Variants in STS observed in about 807,000 individuals in gnomAD.
STS encodes steroid sulfatase, also known as steryl-sulfatase.
STS carries 7 observed loss-of-function variants against 26.8 expected under a neutral mutation model. The ratio of observed to expected loss-of-function variants is 0.26; its 90% CI spans 0.15 to 0.49. STS has a LOEUF of 0.49. Ranked by LOEUF, STS falls within the 20% of genes least tolerant of loss-of-function variation. The pLI, the probability that STS is intolerant of heterozygous loss-of-function variation, is 0.98. For missense variants in STS, 434 were observed against 465.6 expected (o/e 0.93, Z 0.63); for synonymous variants, 199 against 189.4 (o/e 1.05, Z -0.42).
intron 2 of STS, among the ~76,000 whole-genome samples, chrX:7,225,080 T>A (rs1178936772): frequency 8.9e-6 from 1 of 112,188 alleles, no homozygotes; most frequent in Non-Finnish European, 1.9e-5. Context: ...TCTAGAACTG[T>A]TCCAGGAGGT....
chrX:7,238,213 G>C (rs1922422159), intron 2 of STS, among the ~76,000 whole-genome samples: 1 of 92,827 alleles, frequency 1.1e-5, no homozygotes, highest in Middle Eastern at 4.8e-3. Flanking sequence ...TAGATAGATA[G>C]ATAGATAGAT....
chrX:7,324,741 C>G (rs1348454531), intron 8 of STS, among the ~76,000 whole-genome samples: 2 of 111,365 alleles, frequency 1.8e-5, no homozygotes, highest in African/African-American at 6.5e-5. Flanking sequence ...CAGGTTAAAC[C>G]TTTAGAATGC....
chrX:7,155,740 CTG>C (rs758227721), intron 1 of STS, among the ~76,000 whole-genome samples: 190 of 112,085 alleles, frequency 1.7e-3, no homozygotes, highest in African/African-American at 5.8e-3. Flanking sequence ...TTTTTGGAAA[CTG>C]TGACTTTAAG....
Position 7,319,706 on chromosome X carries a change from G to C in STS, c.1082-5633G>C, listed in dbSNP as rs758308650. 3.7e-5 allele frequency among the ~76,000 whole-genome samples: 4 copies of C among 108,427 alleles called. No individual in the cohort carries two copies. In the South Asian group the frequency reaches 1.6e-3, roughly 43 times the overall value. The allele number at this position is 108,427 out of a possible 115,157, so 94.2% of individuals were successfully genotyped here. ...TACATAGGGTGTAGAAACTAAATGT[G>C]GTTTACAAATATGGTGTGATCCTCT... On this transcript the variant is annotated intron_variant, in intron 8 of 10. Coordinates refer to ENST00000674429, the MANE Select transcript of STS (RefSeq NM_001320752.2).
At chrX:7,302,031 G>A (rs1471032982) in intron 7 of STS, among the ~76,000 whole-genome samples, 2 of 111,907 alleles carry the variant, frequency 1.8e-5, no homozygotes, top group Non-Finnish European at 3.8e-5. Context: ...TTGTGTGTGG[G>A]TTTTTGTGTG....
At chrX:7,178,899 A>C (rs1163700490) in intron 1 of STS, among the ~76,000 whole-genome samples, 1 of 105,754 alleles carries the variant, frequency 9.5e-6, no homozygotes, top group Non-Finnish European at 1.9e-5. Flanking sequence ...GGCTTTCTCT[A>C]GTCCTTCTCA....
At chrX:7,209,486 T>C (rs1439807092) in intron 2 of STS, among the ~76,000 whole-genome samples, 2 of 105,384 alleles carry the variant, frequency 1.9e-5, no homozygotes, top group Non-Finnish European at 3.9e-5. Flanking sequence ...ATTAATATAT[T>C]TAGTTAAAAT....
chrX:7,168,509 G>A (rs1170871504), intron 1 of STS, among the ~76,000 whole-genome samples: 3 of 111,615 alleles, frequency 2.7e-5, no homozygotes, highest in African/African-American at 9.8e-5. Flanking sequence ...ATGTGTCTAG[G>A]GGCTGTGGCT....
At chrX:7,324,815 C>T (rs1395012843) in intron 8 of STS, among the ~76,000 whole-genome samples, 1 of 111,726 alleles carries the variant, frequency 9.0e-6, no homozygotes, top group Non-Finnish European at 1.9e-5. Context: ...TTTTGGTTTA[C>T]AACCCTATGA....
chrX:7,182,311 C>T (rs1376228727), intron 1 of STS, among the ~76,000 whole-genome samples: 2 of 110,058 alleles, frequency 1.8e-5, no homozygotes, highest in Non-Finnish European at 3.8e-5. Context: ...ATAGTGTGTC[C>T]TCACGTGCAG....
At chrX:7,281,364 G>A (rs1924851834) in intron 7 of STS, among the ~76,000 whole-genome samples, 1 of 111,598 alleles carries the variant, frequency 9.0e-6, no homozygotes, top group African/African-American at 3.3e-5. Context: ...CCTGTTGGCT[G>A]AGCATGACAG....
At chrX:7,157,433 A>G (rs1184148962) in intron 1 of STS, among the ~76,000 whole-genome samples, 4 of 111,271 alleles carry the variant, frequency 3.6e-5, no homozygotes, top group African/African-American at 1.3e-4. Flanking sequence ...TTCCTGTGCA[A>G]TGCCACTGAT....
chrX:7,294,865 G>A (rs1314397220), intron 7 of STS, among the ~76,000 whole-genome samples: 1 of 111,666 alleles, frequency 9.0e-6, no homozygotes, highest in Middle Eastern at 4.2e-3. Context: ...AGACAAGTCT[G>A]TTTGGACCAA....
chrX:7,339,365 A>G (rs1391643021), intron 10 of STS, among the ~76,000 whole-genome samples: 9 of 112,565 alleles, frequency 8.0e-5, no homozygotes, highest in Non-Finnish European at 1.7e-4. Flanking sequence ...GACCTTATGA[A>G]AGGACATATT....
chrX:7,209,669 A>T (rs933304575), intron 2 of STS, among the ~76,000 whole-genome samples: 1 of 103,855 alleles, frequency 9.6e-6, no homozygotes, highest in Non-Finnish European at 2.0e-5. Context: ...TATTCCTTCT[A>T]AAAAAAACTG....
At chrX:7,264,833 G>C in intron 6 of STS, among the ~76,000 whole-genome samples, 1 of 111,510 alleles carries the variant, frequency 9.0e-6, no homozygotes, top group Non-Finnish European at 1.9e-5. Context: ...TTGTCACCTA[G>C]ATTTTTCTAG....
rs528712618 is a variant in STS at position 7,206,740 on chromosome X, C to T, written c.-5+15732C>T. Among the ~76,000 whole-genome samples the T allele has an allele frequency of 5.4e-5, 6 of 112,024 alleles. No individual in the cohort carries two copies. The South Asian group carries it at 2.2e-3, about 41-fold the overall frequency. Reference sequence around the variant, plus strand: ...ATTTAAATCTTAATTTAAGGAAGTACTAACCTGAAAGCTATGCTGAAGGAT... The same window carrying T: ...ATTTAAATCTTAATTTAAGGAAGTATTAACCTGAAAGCTATGCTGAAGGAT... On this transcript the variant is annotated intron_variant, in intron 2 of 10. Coordinates refer to ENST00000674429, the MANE Select transcript of STS (RefSeq NM_001320752.2).
intron 10 of STS, among the ~76,000 whole-genome samples, chrX:7,342,130 G>A (rs1928317140): frequency 8.9e-6 from 1 of 111,787 alleles, no homozygotes; most frequent in Admixed American, 9.5e-5. Flanking sequence ...TTTTTATTGG[G>A]CCTCTATTCT....
chrX:7,324,786 G>A (rs367930796), intron 8 of STS, among the ~76,000 whole-genome samples: 27 of 111,517 alleles, frequency 2.4e-4, no homozygotes, highest in East Asian at 2.0e-3. Flanking sequence ...TCTGTTAGTC[G>A]AGGGGCTTAG....
Sources: allele counts gnomAD v4.1 joint callset (sites outside exome capture counted in the v4.1 genomes callset), GRCh38; gene constraint gnomAD v4.1.1; transcripts MANE v1.5; gene names NCBI Gene and HGNC (gene_info 2026-07-23, HGNC 2026-07-21).